SLC7A14: variants seen among roughly 807,000 people sequenced by gnomAD.
SLC7A14 encodes solute carrier family 7 member 14, also known as gamma-aminobutyric acid transporter SLC7A14.
In SLC7A14, 37 loss-of-function variants were observed where a neutral mutation model predicts 60.2. The observed-to-expected ratio is 0.61, with a 90% confidence interval of 0.47 to 0.81. The LOEUF (loss-of-function observed/expected upper bound fraction) is 0.81. Ranked by LOEUF, SLC7A14 falls within the 30% of genes least tolerant of loss-of-function variation. SLC7A14 has a pLI of 0.00. For missense variants in SLC7A14, 886 were observed against 982.7 expected (o/e 0.90, Z 1.32); for synonymous variants, 399 against 395.8 (o/e 1.01, Z -0.10).
intron 1 of SLC7A14, among the ~76,000 whole-genome samples, chr3:170,568,593 C>G (rs1714858944): frequency 6.6e-6 from 1 of 152,164 alleles, no homozygotes; most frequent in Non-Finnish European, 1.5e-5. Flanking sequence ...CTATAAATTA[C>G]CTTGGGCAGT....
chr3:170,513,680 C>A (rs917606021), intron 2 of SLC7A14, among the ~76,000 whole-genome samples: 2 of 152,168 alleles, frequency 1.3e-5, no homozygotes, highest in African/African-American at 4.8e-5. Flanking sequence ...TGACTTTTAA[C>A]AAGGCACAGG....
chr3:170,515,312 G>GCC (rs202211117), intron 2 of SLC7A14, among the ~76,000 whole-genome samples: 2,887 of 113,350 alleles, frequency 0.025, 95 homozygotes, highest in African/African-American at 0.081. Context: ...GACTCTGTCC[G>GCC]CCCCCCCCAA....
chr3:170,480,164 G>T, intron 7 of SLC7A14, 125 bp downstream of exon 7: 1 of 923,138 alleles, frequency 1.1e-6, no homozygotes, highest in Non-Finnish European at 1.6e-6. Context: ...GAACACAAGG[G>T]TCCATAGAAC....
At chr3:170,483,224 T>A in intron 6 of SLC7A14, 90 bp downstream of exon 6, 1 of 1,467,568 alleles carries the variant, frequency 6.8e-7, no homozygotes, top group Non-Finnish European at 9.4e-7. Flanking sequence ...GGCACTGATG[T>A]CAAAATCACA....
chr3:170,498,018 C>A (rs189128261), intron 4 of SLC7A14, among the ~76,000 whole-genome samples: 9 of 152,224 alleles, frequency 5.9e-5, no homozygotes, highest in Non-Finnish European at 1.2e-4. Flanking sequence ...CAGTAGGACT[C>A]TCCTCCTAGA....
intron 1 of SLC7A14, among the ~76,000 whole-genome samples, chr3:170,534,923 CTG>C (rs1251531715): frequency 2.0e-5 from 3 of 152,208 alleles, no homozygotes; most frequent in African/African-American, 4.8e-5. Context: ...TTGTTGGAAA[CTG>C]TGGTGAAAAC....
chr3:170,519,199 C>T (rs1713262826), intron 2 of SLC7A14, among the ~76,000 whole-genome samples: 1 of 152,106 alleles, frequency 6.6e-6, no homozygotes, highest in African/African-American at 2.4e-5. Context: ...TAGATCTTCC[C>T]ATCGTAAATT....
chr3:170,523,009 A>G (rs1713381857), intron 2 of SLC7A14, among the ~76,000 whole-genome samples: 5 of 152,216 alleles, frequency 3.3e-5, no homozygotes, highest in African/African-American at 1.2e-4. Context: ...CCTACTTTAA[A>G]GAGATAAAGA....
chr3:170,481,969 G>T (rs1376981300), intron 6 of SLC7A14, among the ~76,000 whole-genome samples: 1 of 152,156 alleles, frequency 6.6e-6, no homozygotes, highest in Non-Finnish European at 1.5e-5. Context: ...TCATAGTAGG[G>T]TGAGGCCTAG....
Position 170,462,397 on chromosome 3 carries a change from G to C in SLC7A14, c.*4658C>G, listed in dbSNP as rs1739626363. The stretch of plus-strand genomic sequence containing the variant: ...CAACCCTTTTCAGCAGAATAGAGGA[G>C]AGAGATTTCTTTGAAGGAGTTTGTG... On this transcript the variant is annotated 3_prime_UTR_variant, in exon 8 of 8. Coordinates refer to ENST00000231706, the MANE Select transcript of SLC7A14 (RefSeq NM_020949.3). 1.3e-5 allele frequency: 2 copies of C among 152,182 alleles called. No homozygotes were observed. The highest frequency in any genetic ancestry group is 1.3e-4 in the Admixed American group (2 of 15,280). The allele number at this position is 152,182 out of a possible 1,614,324, so 9.4% of individuals were successfully genotyped here. A position where few individuals can be genotyped will look rare whatever the true frequency, so the allele number is the denominator to read the frequency against.
In SLC7A14 at chr3:170,476,237, T is replaced by C. The variant is rs77443305; in HGVS notation, c.1993+4052A>G. ...ATGTTTCAGAAGCAACCCAGGGTGA[T>C]ACTGATGTGTAGCTAGGGTTGAGAA... On this transcript the variant is annotated intron_variant, in intron 7 of 7. Coordinates refer to ENST00000231706, the MANE Select transcript of SLC7A14 (RefSeq NM_020949.3). Among the ~76,000 whole-genome samples, 813 of 152,354 alleles carry C rather than the reference T, an allele frequency of 5.3e-3. 5 individuals carry two copies. Among genetic ancestry groups the C allele is most frequent in the African/African-American group, 0.019 (783 of 41,588 alleles).
In SLC7A14 at chr3:170,467,360, C is replaced by G. The variant is rs766643044; in HGVS notation, c.2011G>C (p.Gly671Arg). The G allele has an allele frequency of 8.7e-6, 14 of 1,600,194 alleles. No homozygotes were observed. The highest frequency in any genetic ancestry group is 2.2e-5 in the East Asian group (1 of 44,580). The change falls in exon 8 of 8, where the codon GGA (glycine) becomes CGA (arginine). Residue 671 changes from glycine (G) to arginine (R), a missense_variant. Gly to Arg is a moderately radical substitution (Grantham distance 125). Transcript: ENST00000231706. ...AGGGTGCTGTTCCAGATGCCATATC[C>G]AAAATAAATGAGCAGACCTGTGGGG... ...WCFVGLLIYF[G>R]YGIWNSTLEI...
At chr3:170,581,287 C>T (rs1715225732) in intron 1 of SLC7A14, among the ~76,000 whole-genome samples, 1 of 152,090 alleles carries the variant, frequency 6.6e-6, no homozygotes, top group African/African-American at 2.4e-5. Flanking sequence ...AATTATCCCT[C>T]TCACCCCCTC....
chr3:170,552,021 C>T (rs1714367696), intron 1 of SLC7A14, among the ~76,000 whole-genome samples: 1 of 152,120 alleles, frequency 6.6e-6, no homozygotes, highest in Non-Finnish European at 1.5e-5. Context: ...ACTATATTTT[C>T]TTCCAAGAAT....
intron 1 of SLC7A14, among the ~76,000 whole-genome samples, chr3:170,584,741 G>C (rs1214513546): frequency 6.6e-6 from 1 of 152,166 alleles, no homozygotes; most frequent in Non-Finnish European, 1.5e-5. Flanking sequence ...CCTGCACTCA[G>C]TCGGAGGAGG....
intron 2 of SLC7A14, among the ~76,000 whole-genome samples, chr3:170,505,520 A>G (rs570066436): frequency 1.3e-5 from 2 of 152,354 alleles, no homozygotes; most frequent in East Asian, 1.9e-4. Flanking sequence ...AGAATAGTAG[A>G]GGAAGCATTA....
intron 5 of SLC7A14, among the ~76,000 whole-genome samples, chr3:170,484,515 C>T (rs4955589): frequency 0.5 from 76,776 of 152,134 alleles, 21,099 homozygotes; most frequent in Non-Finnish European, 0.62. Flanking sequence ...AGTCATATGG[C>T]CAGATATGGG....
At chr3:170,549,696 T>C (rs1371570462) in intron 1 of SLC7A14, among the ~76,000 whole-genome samples, 1 of 152,182 alleles carries the variant, frequency 6.6e-6, no homozygotes, top group Non-Finnish European at 1.5e-5. Flanking sequence ...GCTTGAACAG[T>C]GACACGAAGA....
chr3:170,552,028 G>T (rs973604552), intron 1 of SLC7A14, among the ~76,000 whole-genome samples: 10 of 152,090 alleles, frequency 6.6e-5, no homozygotes, highest in Admixed American at 5.9e-4. Flanking sequence ...TTTCTTCCAA[G>T]AATTTTATTG....
Sources: allele counts gnomAD v4.1 joint callset (sites outside exome capture counted in the v4.1 genomes callset), GRCh38; gene constraint gnomAD v4.1.1; transcripts MANE v1.5; gene names NCBI Gene and HGNC (gene_info 2026-07-23, HGNC 2026-07-21).